Variants in APOLD1 observed in about 807,000 individuals in gnomAD.
The protein encoded by APOLD1 is apolipoprotein L domain-containing protein 1.
APOLD1 carries 22 observed loss-of-function variants against 15.3 expected under a neutral mutation model. The observed-to-expected ratio is 1.44, with a 90% CI of 1.03 to 2.05. The LOEUF (loss-of-function observed/expected upper bound fraction) is 2.05. Among genes scored for constraint, APOLD1 ranks in the 30% most tolerant of loss-of-function variants. The pLI is 0.00. For synonymous variants in APOLD1, 190 were observed against 167.4 expected (o/e 1.13, Z -1.04); for missense variants, 394 against 353.5 (o/e 1.11, Z -0.92).
At chr12:12,774,230 C>T (rs561147549) in intron 1 of APOLD1, among the ~76,000 whole-genome samples, 2 of 152,130 alleles carry the variant, frequency 1.3e-5, no homozygotes, top group African/African-American at 4.8e-5. Context: ...ACAAAGAACT[C>T]TTAAAACTCA....
intron 1 of APOLD1, 81 bp from the exon 2 acceptor site, chr12:12,786,828 C>A: frequency 7.6e-7 from 1 of 1,322,598 alleles, no homozygotes; most frequent in South Asian, 2.1e-5. Context: ...GTGCCAAGTT[C>A]CCGCTGGCGT....
intron 1 of APOLD1, among the ~76,000 whole-genome samples, chr12:12,727,448 A>G (rs1289150755): frequency 1.3e-5 from 2 of 152,204 alleles, no homozygotes; most frequent in African/African-American, 4.8e-5. Flanking sequence ...GTTCAAGACT[A>G]TCACCTGTGG....
At chr12:12,727,954 T>TTTAA (rs202138010) in intron 1 of APOLD1, among the ~76,000 whole-genome samples, 14 of 151,822 alleles carry the variant, frequency 9.2e-5, no homozygotes, top group African/African-American at 2.7e-4. Flanking sequence ...CTGTTTAATC[T>TTTAA]TTAATTAATT....
intron 1 of APOLD1, among the ~76,000 whole-genome samples, chr12:12,728,665 CAAAAAAA>C (rs58877184): frequency 4.0e-4 from 25 of 62,868 alleles, no homozygotes; most frequent in African/African-American, 1.5e-3. Flanking sequence ...GACCCTGTCT[CAAAAAAA>C]AAAAAAAAAA....
intron 1 of APOLD1, among the ~76,000 whole-genome samples, chr12:12,739,472 C>T (rs985502631): frequency 1.3e-5 from 2 of 152,130 alleles, no homozygotes; most frequent in Non-Finnish European, 2.9e-5. Context: ...ATTGTCTAAT[C>T]AAGATACATT....
rs1176305583 is a variant in APOLD1, at chr12:12,791,210, A to G, written c.*3558A>G. 7 of 152,220 alleles carry G rather than the reference A, an allele frequency of 4.6e-5. No individual in the cohort carries two copies. Among genetic ancestry groups the G allele is most frequent in the African/African-American group, 1.7e-4 (7 of 41,450 alleles). 9.4% of individuals were successfully genotyped at this position (152,220 alleles called of 1,614,324 possible). A position where few individuals can be genotyped will look rare whatever the true frequency, so the allele number is the denominator to read the frequency against. ...TGTCATTTCCAATATGGTAGGTGTC[A>G]AAGTCAAAAGTATTTACTGGGAGAA... On this transcript the variant is annotated 3_prime_UTR_variant, in exon 2 of 2. Transcript: ENST00000356591.
intron 1 of APOLD1, among the ~76,000 whole-genome samples, chr12:12,786,067 G>A (rs764989657): frequency 2.0e-5 from 3 of 152,126 alleles, no homozygotes; most frequent in Non-Finnish European, 2.9e-5. Flanking sequence ...CAACTTGTTC[G>A]TATCTTTGTC....
Position 12,786,954 on chromosome 12 carries a change from C to T in APOLD1, c.49C>T (p.Leu17=), listed in dbSNP as rs764153583. 26 of 1,460,116 alleles carry T rather than the reference C, an allele frequency of 1.8e-5. No individual in the cohort carries two copies. The highest frequency in any genetic ancestry group is 2.3e-4 in the Middle Eastern group (1 of 4,422). 90.4% of individuals were successfully genotyped at this position (1,460,116 alleles called of 1,614,324 possible). The change falls in exon 2 of 2, where the codon CTG becomes TTG. Residue 17 remains leucine (L), a synonymous_variant. Coordinates refer to ENST00000356591, the MANE Select transcript of APOLD1 (RefSeq NM_030817.3). ...CCGGGAGCCGCATGGGCCCGACGCG[C>T]TGCGGCGCTTCCAGGGACTGCTGCT... is the stretch of plus-strand genomic sequence containing the variant. ...AAREPHGPDA[L]RRFQGLLLDR...
Position 12,789,788 on chromosome 12 carries a change from A to T in APOLD1, c.*2136A>T, listed in dbSNP as rs1947167618. The T allele has an allele frequency of 6.6e-6, 1 of 152,200 alleles. No individual in the cohort carries two copies. Among genetic ancestry groups the T allele is most frequent in the Non-Finnish European group, 1.5e-5 (1 of 68,034 alleles). 9.4% of individuals were successfully genotyped at this position (152,200 alleles called of 1,614,324 possible). Reference sequence around the variant, plus strand: ...TTACTTAATTATTTAATATTCTATAAATGTACCCAATCTGTCCGCACCCTT... The same window carrying T: ...TTACTTAATTATTTAATATTCTATATATGTACCCAATCTGTCCGCACCCTT... On this transcript the variant is annotated 3_prime_UTR_variant, in exon 2 of 2. Transcript: ENST00000356591.
exon 1 of APOLD1, chr12:12,725,932 G>T (rs1366848419): frequency 1.5e-6 from 2 of 1,300,922 alleles, no homozygotes; most frequent in South Asian, 1.7e-5. Context: ...GCAGGCAGGC[G>T]GGGGTGCGCG....
chr12:12,770,772 A>G (rs1946981228), intron 1 of APOLD1, among the ~76,000 whole-genome samples: 1 of 111,466 alleles, frequency 9.0e-6, no homozygotes, highest in Admixed American at 1.1e-4. Context: ...ACCAATAAGA[A>G]TACATGTTAA....
At chr12:12,761,979 G>A (rs1489076522) in intron 1 of APOLD1, among the ~76,000 whole-genome samples, 2 of 151,934 alleles carry the variant, frequency 1.3e-5, no homozygotes, top group Non-Finnish European at 2.9e-5. Context: ...GGGACTACAG[G>A]TGTGCACCAC....
At position 12,750,372 on chromosome 12, in the gene APOLD1, CAAAAAAAAAAA is replaced by C. The variant is rs34629361; in HGVS notation, c.96+24288_96+24298del. On this transcript the variant is annotated intron_variant, in intron 1 of 1. Coordinates refer to the APOLD1 transcript ENST00000326765. ...GGTCAACAAGAGTGAGACTCTGTCT[CAAAAAAAAAAA>C]AAAAAAAAAAAGGAAATTGGGGAAG... Among the ~76,000 whole-genome samples the C allele has an allele frequency of 4.0e-5, 3 of 75,406 alleles. No homozygotes were observed. The East Asian group carries it at 1.2e-3, about 29-fold the overall frequency. The allele number at this position is 75,406 out of a possible 152,430, so 49.5% of individuals were successfully genotyped here. A position where few individuals can be genotyped will look rare whatever the true frequency, so the allele number is the denominator to read the frequency against.
At position 12,771,435 on chromosome 12, in the gene APOLD1, C is replaced by G. The variant is rs1047653983; in HGVS notation, c.97-15474C>G. The G allele has an allele frequency of 1.6e-5, 7 of 438,300 alleles. No homozygotes were observed. In the Admixed American group the frequency reaches 1.6e-4, roughly 10 times the overall value. 27.2% of individuals were successfully genotyped at this position (438,300 alleles called of 1,614,324 possible). On this transcript the variant is annotated intron_variant, in intron 1 of 1. Coordinates refer to the APOLD1 transcript ENST00000326765. Reference sequence around the variant, plus strand: ...TATTATCCCACAAGAGGTTGACTTTCTGTCCACCATGTTCAAATGCCTGGT... The same window carrying G: ...TATTATCCCACAAGAGGTTGACTTTGTGTCCACCATGTTCAAATGCCTGGT...
chr12:12,736,177 C>G (rs1565426019), intron 1 of APOLD1, among the ~76,000 whole-genome samples: 1 of 152,050 alleles, frequency 6.6e-6, no homozygotes, highest in Non-Finnish European at 1.5e-5. Context: ...TGGTGAAACC[C>G]CGTCTCTACT....
chr12:12,784,421 T>A (rs1362570533), upstream of APOLD1, among the ~76,000 whole-genome samples: 2 of 152,210 alleles, frequency 1.3e-5, no homozygotes, highest in Non-Finnish European at 2.9e-5. Context: ...AGATTGAGGT[T>A]ACAGCTATCC....
At chr12:12,768,687 A>G (rs1383496263) in intron 1 of APOLD1, among the ~76,000 whole-genome samples, 1 of 151,898 alleles carries the variant, frequency 6.6e-6, no homozygotes. Context: ...TTGAGTCTCA[A>G]TAAGTCAAGT....
At chr12:12,728,665 C>CAAAAAAAAAA (rs58877184) in intron 1 of APOLD1, among the ~76,000 whole-genome samples, 45 of 62,836 alleles carry the variant, frequency 7.2e-4, no homozygotes, top group Non-Finnish European at 9.5e-4. Context: ...GACCCTGTCT[C>CAAAAAAAAAA]AAAAAAAAAA....
chr12:12,770,577 A>AAG (rs1458933364), intron 1 of APOLD1, among the ~76,000 whole-genome samples: 1 of 151,596 alleles, frequency 6.6e-6, no homozygotes, highest in African/African-American at 2.4e-5. Context: ...GAAAAAAAAA[A>AAG]AAAAGCAACA....
Sources: allele counts gnomAD v4.1 joint callset (sites outside exome capture counted in the v4.1 genomes callset), GRCh38; gene constraint gnomAD v4.1.1; transcripts MANE v1.5; gene names NCBI Gene and HGNC (gene_info 2026-07-23, HGNC 2026-07-21).